Variants in RPS6KA2 observed in about 807,000 individuals in gnomAD.
RPS6KA2 encodes the protein ribosomal protein S6 kinase alpha-2.
RPS6KA2 carries 42 observed loss-of-function variants against 91.8 expected under a neutral mutation model. That is an observed-to-expected ratio of 0.46 (90% CI 0.36 to 0.59). RPS6KA2 has a LOEUF of 0.59. Among genes scored for constraint, RPS6KA2 ranks in the 20% least tolerant of loss-of-function variants. The pLI is 0.00. For synonymous variants in RPS6KA2, 414 were observed against 393.6 expected, an observed-to-expected ratio of 1.05 and a Z score of -0.61; for missense variants, 798 against 978.5, an observed-to-expected ratio of 0.82 and a Z score of 2.46.
At chr6:166,484,995 G>A (rs914657522) in intron 10 of RPS6KA2, among the ~76,000 whole-genome samples, 6 of 152,196 alleles carry the variant, frequency 3.9e-5, no homozygotes, top group Admixed American at 6.5e-5. Context: ...CAACAGCACC[G>A]TGCCGGGGGA....
rs1788566502 is a variant in RPS6KA2 at position 166,674,519 on chromosome 6, G to A, written c.124-135735C>T. 5.3e-5 allele frequency among the ~76,000 whole-genome samples: 8 copies of A among 152,338 alleles called. No homozygotes were observed. In the South Asian group the frequency reaches 1.7e-3, roughly 32 times the overall value. On this transcript the variant is annotated intron_variant, in intron 2 of 21. Coordinates refer to the RPS6KA2 transcript ENST00000503859. ...GACAAGAGGTCGATATCTTTAGAGG[G>A]AGACCGGGTGAGGAAAGGGCTTGGG...
chr6:166,784,797 G>A (rs929040747), intron 2 of RPS6KA2, among the ~76,000 whole-genome samples: 1 of 151,318 alleles, frequency 6.6e-6, no homozygotes, highest in Non-Finnish European at 1.5e-5. Context: ...AAGTCCCGCA[G>A]TGGTCTCCAT....
chr6:166,639,454 C>A lies in RPS6KA2; in HGVS notation c.124-100670G>T, dbSNP rs934096332. ...GGCTAAAGGCTTTCCCTACAACCCA[C>A]CTGTGGTCCTGCCACCAGCCTGATC... On this transcript the variant is annotated intron_variant, in intron 2 of 21. Transcript: ENST00000503859. This position sits in a 1 kb window ranked among gnomAD's most constrained non-coding sequence, Gnocchi z 4.2. 3.9e-5 allele frequency among the ~76,000 whole-genome samples: 6 copies of A among 152,240 alleles called. No individual in the cohort carries two copies. Among genetic ancestry groups the A allele is most frequent in the Non-Finnish European group, 8.8e-5 (6 of 68,046 alleles).
intron 2 of RPS6KA2, among the ~76,000 whole-genome samples, chr6:166,802,609 G>A (rs1016149955): frequency 2.0e-5 from 3 of 152,198 alleles, no homozygotes; most frequent in Admixed American, 6.5e-5. Flanking sequence ...AAGACTCTCT[G>A]AAGAGCATCC....
chr6:166,511,329 G>T (rs1782473932), intron 3 of RPS6KA2, among the ~76,000 whole-genome samples: 1 of 152,152 alleles, frequency 6.6e-6, no homozygotes, highest in Admixed American at 6.5e-5. Context: ...AACAGCCATG[G>T]TCACATTTCT....
chr6:166,696,515 T>C (rs1485739818), intron 2 of RPS6KA2, among the ~76,000 whole-genome samples: 1 of 152,162 alleles, frequency 6.6e-6, no homozygotes, highest in Non-Finnish European at 1.5e-5. Context: ...GAACCATCCA[T>C]TAAAACAGTT....
chr6:166,572,132 C>G (rs1043384848), intron 1 of RPS6KA2, among the ~76,000 whole-genome samples: 3 of 152,074 alleles, frequency 2.0e-5, no homozygotes, highest in Admixed American at 6.5e-5. Flanking sequence ...TAGCAAAACT[C>G]CTACATAGAT....
intron 1 of RPS6KA2, among the ~76,000 whole-genome samples, chr6:166,592,384 A>G (rs6907443): frequency 0.14 from 21,474 of 152,130 alleles, 1,803 homozygotes; most frequent in East Asian, 0.26. Flanking sequence ...TTTACAGGGG[A>G]CTACTTATTC....
chr6:166,460,991 C>T (rs1284977058), intron 11 of RPS6KA2, among the ~76,000 whole-genome samples: 1 of 152,124 alleles, frequency 6.6e-6, no homozygotes, highest in Non-Finnish European at 1.5e-5. Context: ...CCCTGCTCTG[C>T]TTATCCGGGA....
chr6:166,412,344 C>G lies in RPS6KA2; in HGVS notation c.*418G>C, dbSNP rs573622683. 6.4e-6 allele frequency: 1 copy of G among 156,230 alleles called. No homozygotes were observed. The highest frequency in any genetic ancestry group is 1.9e-4 in the South Asian group (1 of 5,302). The allele number at this position is 156,230 out of a possible 1,614,324, so 9.7% of individuals were successfully genotyped here. On this transcript the variant is annotated 3_prime_UTR_variant, in exon 21 of 21. Transcript: ENST00000265678. This position sits in a 1 kb window ranked among gnomAD's most constrained non-coding sequence, Gnocchi z 4.3. ...CCCTGCAACCACCAATGGCTGCGCCCTCGCACTGCCACTTTCCCACCGGGT... is the reference window on the plus strand; with the variant it reads ...CCCTGCAACCACCAATGGCTGCGCCGTCGCACTGCCACTTTCCCACCGGGT...
intron 2 of RPS6KA2, among the ~76,000 whole-genome samples, chr6:166,692,345 T>C (rs1789232288): frequency 6.6e-6 from 1 of 152,096 alleles, no homozygotes; most frequent in Admixed American, 6.6e-5. Flanking sequence ...CTACTGAATA[T>C]ATGCCCAAGA....
At position 166,412,642 on chromosome 6, in the gene RPS6KA2, G is replaced by T. The variant is rs1778347649; in HGVS notation, c.*120C>A. The T allele has an allele frequency of 9.8e-7, 1 of 1,024,418 alleles. No homozygotes were observed. Among genetic ancestry groups the T allele is most frequent in the South Asian group, 1.7e-5 (1 of 58,124 alleles). The allele number at this position is 1,024,418 out of a possible 1,614,324, so 63.5% of individuals were successfully genotyped here. ...AAAAAGAAAACACGGACACGGCGAG[G>T]GCGGGCGCCGCCTCCCTGCTGGACT... On this transcript the variant is annotated 3_prime_UTR_variant, in exon 21 of 21. Coordinates refer to ENST00000265678, the MANE Select transcript of RPS6KA2 (RefSeq NM_021135.6). The surrounding 1 kb of genome is among the most constrained non-coding windows in gnomAD (Gnocchi z 4.3).
intron 2 of RPS6KA2, among the ~76,000 whole-genome samples, chr6:166,633,227 C>A (rs1401601497): frequency 6.6e-6 from 1 of 152,058 alleles, no homozygotes; most frequent in Non-Finnish European, 1.5e-5. Context: ...CTCAAAAACA[C>A]CAAAAACCAA....
At chr6:166,807,875 T>C (rs1177201139) in intron 2 of RPS6KA2, among the ~76,000 whole-genome samples, 1 of 152,084 alleles carries the variant, frequency 6.6e-6, no homozygotes, top group Non-Finnish European at 1.5e-5. Context: ...CCCCTTATCC[T>C]GCCGCACTGA....
chr6:166,822,516 G>T (rs903214775), intron 2 of RPS6KA2, among the ~76,000 whole-genome samples: 1 of 152,218 alleles, frequency 6.6e-6, no homozygotes, highest in Non-Finnish European at 1.5e-5. Flanking sequence ...CTACAAGGAA[G>T]TAACTTTCTG....
chr6:166,670,505 C>A (rs1400661046), intron 2 of RPS6KA2, among the ~76,000 whole-genome samples: 1 of 152,110 alleles, frequency 6.6e-6, no homozygotes, highest in South Asian at 2.1e-4. Flanking sequence ...GTTAGTACAC[C>A]TCGTAAAAAA....
chr6:166,485,070 G>A (rs887390042), intron 10 of RPS6KA2, among the ~76,000 whole-genome samples: 4 of 152,210 alleles, frequency 2.6e-5, no homozygotes, highest in Non-Finnish European at 4.4e-5. Context: ...GCAGGGGAAC[G>A]TCGGAGCTGT....
At chr6:166,515,601 T>C (rs1165578201) in intron 3 of RPS6KA2, among the ~76,000 whole-genome samples, 2 of 151,760 alleles carry the variant, frequency 1.3e-5, no homozygotes, top group African/African-American at 4.9e-5. Flanking sequence ...CAACACAAGC[T>C]GGAGATTGCC....
At chr6:166,422,849 C>T (rs562666484) in intron 17 of RPS6KA2, among the ~76,000 whole-genome samples, 12 of 152,226 alleles carry the variant, frequency 7.9e-5, no homozygotes, top group Non-Finnish European at 1.5e-4. Context: ...AGAGAAAATC[C>T]GTAAACTTAG....
Sources: gnomAD v4.1 joint callset for allele counts (sites outside exome capture counted in the v4.1 genomes callset) on GRCh38, gnomAD v4.1.1 for gene constraint, Gnocchi (gnomAD v3.1) non-coding constraint, MANE v1.5 for transcripts, NCBI Gene and HGNC (gene_info 2026-07-23, HGNC 2026-07-21) for gene names.